The following CCDC62 variants were observed in gnomAD, a reference collection of about 807,000 sequenced individuals.
The protein encoded by CCDC62 is coiled-coil domain containing 62.
A neutral mutation model predicts 80.8 loss-of-function variants in CCDC62; 72 were observed. That is an observed-to-expected ratio of 0.89 (90% CI 0.74 to 1.08). CCDC62 has a LOEUF of 1.08. CCDC62 is among the 50% of genes least tolerant of loss of function. CCDC62 has a pLI of 0.00. For missense variants in CCDC62, 704 were observed against 809.4 expected (o/e 0.87, Z 1.58); for synonymous variants, 286 against 296.5 (o/e 0.96, Z 0.36).
chr12:122,802,395 G>T (rs1295806257), intron 9 of CCDC62, among the ~76,000 whole-genome samples: 6 of 149,670 alleles, frequency 4.0e-5, no homozygotes, highest in African/African-American at 7.4e-5. Context: ...AATATAACGA[G>T]ACCCTATCTC....
intron 3 of CCDC62, among the ~76,000 whole-genome samples, chr12:122,783,448 G>A (rs1202010754): frequency 1.3e-5 from 2 of 151,798 alleles, no homozygotes; most frequent in Non-Finnish European, 2.9e-5. Flanking sequence ...GGATGGTTTC[G>A]ATCTCCTGAC....
At chr12:122,784,989 A>G (rs1311385356) in intron 3 of CCDC62, among the ~76,000 whole-genome samples, 1 of 152,050 alleles carries the variant, frequency 6.6e-6, no homozygotes, top group Non-Finnish European at 1.5e-5. Context: ...AAATACAAAA[A>G]TTAGCCAGGC....
intron 5 of CCDC62, 86 bp from the exon 6 acceptor site, chr12:122,791,934 G>A (rs2030634506): frequency 6.9e-6 from 6 of 868,302 alleles, no homozygotes; most frequent in South Asian, 2.8e-5. Flanking sequence ...AGGAGCCGCT[G>A]AGGATGTGAG....
intron 4 of CCDC62, 54 bp downstream of exon 4, chr12:122,785,874 A>G (rs1242073138): frequency 1.6e-5 from 19 of 1,175,462 alleles, no homozygotes; most frequent in Non-Finnish European, 2.3e-5. Context: ...AGTTATATCC[A>G]TATTCATTAT....
chr12:122,788,953 G>A, intron 5 of CCDC62, 24 bp downstream of exon 5: 1 of 1,516,776 alleles, frequency 6.6e-7, no homozygotes, highest in African/African-American at 1.4e-5. Flanking sequence ...CTACATTTAA[G>A]ATACAAATGT....
intron 12 of CCDC62, among the ~76,000 whole-genome samples, chr12:122,823,668 A>G (rs2032499041): frequency 6.7e-6 from 1 of 149,120 alleles, no homozygotes; most frequent in African/African-American, 2.5e-5. Context: ...GTTCTCCTGC[A>G]CTCCAGCCTG....
At chr12:122,804,120 A>T (rs1020709193) in intron 9 of CCDC62, among the ~76,000 whole-genome samples, 1 of 152,216 alleles carries the variant, frequency 6.6e-6, no homozygotes, top group Non-Finnish European at 1.5e-5. Context: ...CTGTGCCAGC[A>T]TTCCATTTGA....
intron 11 of CCDC62, among the ~76,000 whole-genome samples, chr12:122,815,087 C>T (rs2032107863): frequency 1.3e-5 from 2 of 151,950 alleles, no homozygotes; most frequent in African/African-American, 4.8e-5. Context: ...AGCCACCATG[C>T]TCAGCTTATT....
intron 8 of CCDC62, among the ~76,000 whole-genome samples, chr12:122,799,038 C>T (rs545843221): frequency 1.3e-4 from 20 of 152,172 alleles, no homozygotes; most frequent in Middle Eastern, 3.4e-3. Context: ...TGAGATTGCG[C>T]CACTGCACTT....
At chr12:122,779,619 G>A (rs925583995) in intron 2 of CCDC62, among the ~76,000 whole-genome samples, 1 of 152,128 alleles carries the variant, frequency 6.6e-6, no homozygotes, top group Non-Finnish European at 1.5e-5. Flanking sequence ...CCAGATGCAT[G>A]TAAAAAGGCC....
chr12:122,780,660 AAAATAAAAT>A (rs1273857000), intron 2 of CCDC62, among the ~76,000 whole-genome samples: 5 of 151,306 alleles, frequency 3.3e-5, no homozygotes, highest in African/African-American at 1.2e-4. Flanking sequence ...AAAATAAAAT[AAAATAAAAT>A]AAAAAATAGA....
intron 4 of CCDC62, among the ~76,000 whole-genome samples, chr12:122,786,109 C>T (rs115620601): frequency 0.016 from 2,477 of 152,242 alleles, 71 homozygotes; most frequent in African/African-American, 0.057. Context: ...TATTAGGTCT[C>T]ATAGAGTTAT....
intron 5 of CCDC62, among the ~76,000 whole-genome samples, chr12:122,790,488 G>T (rs997190655): frequency 2.6e-5 from 4 of 152,046 alleles, no homozygotes; most frequent in African/African-American, 9.7e-5. Flanking sequence ...TAACATGGCA[G>T]AACCCTGTCT....
At position 122,812,775 on chromosome 12, in the gene CCDC62, GAGAGAA is replaced by G. The variant is rs1316008759; in HGVS notation, c.1852-491_1852-486del. ...AGGGAGGGAGAGAGAGAGAGAGAGA[GAGAGAA>G]AGAAAGAAAGAAAGAAAGAAAGAAA... On this transcript the variant is annotated intron_variant, in intron 10 of 12. Transcript: ENST00000253079. 1.1e-3 allele frequency among the ~76,000 whole-genome samples: 80 copies of G among 74,526 alleles called. 1 individual carries two copies. The highest frequency in any genetic ancestry group is 7.6e-3 in the Middle Eastern group (1 of 132). 48.9% of individuals were successfully genotyped at this position (74,526 alleles called of 152,430 possible).
intron 11 of CCDC62, among the ~76,000 whole-genome samples, chr12:122,818,062 C>T (rs1593835711): frequency 6.6e-6 from 1 of 152,266 alleles, no homozygotes; most frequent in Non-Finnish European, 1.5e-5. Flanking sequence ...AATCCCAGCA[C>T]TTTGGGAGGC....
chr12:122,792,202 G>GTT (rs760554062), intron 6 of CCDC62, 81 bp downstream of exon 6: 8,730 of 492,602 alleles, frequency 0.018, 1 homozygote, highest in East Asian at 0.029. Context: ...TCCCAAAATG[G>GTT]TTTTTTTTTT....
chr12:122,805,187 C>CTTT (rs35231650), intron 9 of CCDC62, among the ~76,000 whole-genome samples: 1,092 of 63,682 alleles, frequency 0.017, 3 homozygotes, highest in East Asian at 0.024. Context: ...AACTGGCCGG[C>CTTT]TTTTTTTTTT....
intron 11 of CCDC62, among the ~76,000 whole-genome samples, chr12:122,820,785 G>T (rs1017216583): frequency 2.0e-5 from 3 of 150,454 alleles, no homozygotes; most frequent in African/African-American, 7.4e-5. Context: ...AGGTTGCAGT[G>T]AGCCGAGATC....
chr12:122,806,726 T>C (rs2031625486), intron 10 of CCDC62, among the ~76,000 whole-genome samples: 1 of 151,858 alleles, frequency 6.6e-6, no homozygotes. Flanking sequence ...GTGATCTTCT[T>C]GCCTTGGCCT....
Sources: allele counts gnomAD v4.1 joint callset (sites outside exome capture counted in the v4.1 genomes callset), GRCh38; gene constraint gnomAD v4.1.1; transcripts MANE v1.5; gene names NCBI Gene and HGNC (gene_info 2026-07-23, HGNC 2026-07-21).